The following FLNB variants were observed in gnomAD, a reference collection of about 807,000 sequenced individuals.
The protein encoded by FLNB is filamin B.
A neutral mutation model predicts 250.6 loss-of-function variants in FLNB; 111 were observed. That is an observed-to-expected ratio of 0.44 (90% CI 0.38 to 0.52). FLNB has a LOEUF of 0.52. Among genes scored for constraint, FLNB ranks in the 20% least tolerant of loss-of-function variants. The probability of loss-of-function intolerance (pLI) is 0.00; values close to 1 mark genes in which losing one functional copy is unlikely to be tolerated. For synonymous variants in FLNB, 1,302 were observed against 1,372.1 expected (o/e 0.95, Z 1.13); for missense variants, 2,869 against 3,447.8 (o/e 0.83, Z 4.20).
At chr3:58,045,503 TG>T (rs1186611411) in intron 1 of FLNB, among the ~76,000 whole-genome samples, 1 of 152,166 alleles carries the variant, frequency 6.6e-6, no homozygotes, top group East Asian at 1.9e-4. Context: ...CTATCATTAG[TG>T]TTAGTGTATC....
intron 11 of FLNB, among the ~76,000 whole-genome samples, chr3:58,106,134 G>C (rs2686630): frequency 0.33 from 50,473 of 151,698 alleles, 9,025 homozygotes; most frequent in Middle Eastern, 0.4. Context: ...CCATTGTCAG[G>C]CTCTTCAGTT....
At chr3:58,149,036 T>G (rs745709866) in intron 36 of FLNB, among the ~76,000 whole-genome samples, 184 bp downstream of exon 36, 1 of 152,220 alleles carries the variant, frequency 6.6e-6, no homozygotes, top group African/African-American at 2.4e-5. Context: ...TTGTCTTTGT[T>G]TTTTAGATGA....
chr3:58,057,198 A>T (rs2097171896), intron 1 of FLNB, among the ~76,000 whole-genome samples: 1 of 151,574 alleles, frequency 6.6e-6, no homozygotes. Context: ...CTGATCCTGA[A>T]CTCCTGAGCT....
chr3:58,109,733 T>G, intron 15 of FLNB, 34 bp downstream of exon 15: 4 of 1,613,932 alleles, frequency 2.5e-6, no homozygotes, highest in Non-Finnish European at 3.4e-6. Context: ...CAGTGATCAT[T>G]GCTCCGTGGG....
intron 28 of FLNB, 28 bp downstream of exon 28, chr3:58,136,196 G>A (rs1559720872): frequency 1.2e-6 from 2 of 1,612,346 alleles, no homozygotes; most frequent in Non-Finnish European, 1.7e-6. Flanking sequence ...CAAGGTCAGG[G>A]GCACAGGCTT....
At chr3:58,050,043 T>G (rs1464851388) in intron 1 of FLNB, among the ~76,000 whole-genome samples, 3 of 151,618 alleles carry the variant, frequency 2.0e-5, no homozygotes, top group Admixed American at 6.6e-5. Context: ...TTTTTTCTTT[T>G]TTTTTGAGAC....
At chr3:58,037,494 G>A (rs972968730) in intron 1 of FLNB, among the ~76,000 whole-genome samples, 3 of 152,268 alleles carry the variant, frequency 2.0e-5, no homozygotes, top group African/African-American at 4.8e-5. Context: ...CTTGCCTCCC[G>A]CTGCCTCCTC....
chr3:58,143,157 C>T (rs1231732454), intron 31 of FLNB, among the ~76,000 whole-genome samples: 3 of 152,176 alleles, frequency 2.0e-5, no homozygotes, highest in Non-Finnish European at 4.4e-5. Context: ...CAATGGCCCA[C>T]TTCTCTTTGG....
chr3:58,065,100 C>A (rs998225877), intron 1 of FLNB, among the ~76,000 whole-genome samples: 5 of 152,162 alleles, frequency 3.3e-5, no homozygotes, highest in African/African-American at 1.2e-4. Context: ...TCAGTCATGG[C>A]TGAGACAAGG....
At chr3:58,157,167 G>T (rs1205214056) in intron 41 of FLNB, among the ~76,000 whole-genome samples, 1 of 152,164 alleles carries the variant, frequency 6.6e-6, no homozygotes, top group Non-Finnish European at 1.5e-5. Flanking sequence ...AGAACCATCG[G>T]GGATGCCTCT....
rs1553696152 is a variant in FLNB, at chr3:58,100,373, A to ATATATATATATATATATAT, written c.1345+1465_1345+1466insTATATATATATATATATAT. Among the ~76,000 whole-genome samples the ATATATATATATATATATAT allele has an allele frequency of 2.1e-3, 218 of 104,330 alleles. 5 individuals carry two copies. Among genetic ancestry groups the ATATATATATATATATATAT allele is most frequent in the African/African-American group, 9.3e-3 (204 of 21,898 alleles). The allele number at this position is 104,330 out of a possible 152,430, so 68.4% of individuals were successfully genotyped here. Reference sequence around the variant, plus strand: ...AATGATTTTACATATGTAAAAAAAAAATATATATATATTTGCAGGGGCGCG... The same window carrying ATATATATATATATATATAT: ...AATGATTTTACATATGTAAAAAAAAATATATATATATATATATATATATATATATATTTGCAGGGGCGCG... On this transcript the variant is annotated intron_variant, in intron 8 of 45. Transcript: ENST00000295956.
intron 20 of FLNB, 55 bp downstream of exon 20, chr3:58,121,558 A>AGAGAAGGAC: frequency 6.2e-7 from 1 of 1,602,722 alleles, no homozygotes; most frequent in Non-Finnish European, 8.5e-7. Context: ...ACATGACACC[A>AGAGAAGGAC]TAGTCCTTCT....
At chr3:58,037,530 G>A (rs1354292094) in intron 1 of FLNB, among the ~76,000 whole-genome samples, 1 of 152,070 alleles carries the variant, frequency 6.6e-6, no homozygotes, top group African/African-American at 2.4e-5. Context: ...TTTTCTTGTA[G>A]TTCAGGAACC....
intron 1 of FLNB, among the ~76,000 whole-genome samples, chr3:58,040,787 C>G (rs978247402): frequency 1.4e-4 from 21 of 152,134 alleles, no homozygotes; most frequent in African/African-American, 5.1e-4. Context: ...GAGCCACCGT[C>G]CCCAGCCAAC....
intron 25 of FLNB, 72 bp downstream of exon 25, chr3:58,130,980 T>C (rs1322446137): frequency 4.8e-6 from 7 of 1,461,122 alleles, no homozygotes; most frequent in African/African-American, 2.8e-5. Flanking sequence ...CCAGAGCAGA[T>C]GCTTTGCTTT....
At chr3:58,108,704 A>G (rs2097263625) in intron 13 of FLNB, 133 bp downstream of exon 13, 1 of 688,072 alleles carries the variant, frequency 1.5e-6, no homozygotes, top group Admixed American at 2.1e-5. Context: ...AGATTATCTT[A>G]TAGGGTTATG....
intron 2 of FLNB, among the ~76,000 whole-genome samples, chr3:58,078,069 G>A (rs941065280): frequency 6.6e-6 from 1 of 152,212 alleles, no homozygotes; most frequent in Non-Finnish European, 1.5e-5. Flanking sequence ...CATACTCAAA[G>A]CAGAACTAGT....
chr3:58,119,332 T>C (rs1396525398), intron 19 of FLNB, among the ~76,000 whole-genome samples: 1 of 152,194 alleles, frequency 6.6e-6, no homozygotes, highest in Admixed American at 6.5e-5. Context: ...GAAGTTTTCA[T>C]TAAAAAGAGA....
intron 28 of FLNB, among the ~76,000 whole-genome samples, chr3:58,137,238 T>C (rs1187939478): frequency 6.6e-6 from 1 of 152,242 alleles, no homozygotes; most frequent in Non-Finnish European, 1.5e-5. Context: ...TGTGAATTGC[T>C]CAGCGTGGCC....
Sources: gnomAD v4.1 joint callset for allele counts (sites outside exome capture counted in the v4.1 genomes callset) on GRCh38, gnomAD v4.1.1 for gene constraint, MANE v1.5 for transcripts, NCBI Gene and HGNC (gene_info 2026-07-23, HGNC 2026-07-21) for gene names.